BCR: variants seen among roughly 807,000 people sequenced by gnomAD.
The protein encoded by BCR is breakpoint cluster region protein.
A neutral mutation model predicts 138.6 loss-of-function variants in BCR; 58 were observed. That is an observed-to-expected ratio of 0.42 (90% CI 0.34 to 0.52). The LOEUF is 0.52. Among genes scored for constraint, BCR ranks in the 20% least tolerant of loss-of-function variants. The pLI is 0.06. For missense variants in BCR, 1,599 were observed against 1,727.2 expected, an observed-to-expected ratio of 0.93 and a Z score of 1.32; for synonymous variants, 786 against 730.1, an observed-to-expected ratio of 1.08 and a Z score of -1.23.
At chr22:23,266,233 G>A (rs935670666) in intron 4 of BCR, among the ~76,000 whole-genome samples, 6 of 151,792 alleles carry the variant, frequency 4.0e-5, no homozygotes, top group Non-Finnish European at 8.8e-5. Context: ...CTACAGGCAC[G>A]TGCCACCATG....
At chr22:23,288,352 T>C (rs2073741984) in intron 12 of BCR, among the ~76,000 whole-genome samples, 180 bp downstream of exon 12, 1 of 152,082 alleles carries the variant, frequency 6.6e-6, no homozygotes, top group Non-Finnish European at 1.5e-5. Context: ...CCCAGCCCTC[T>C]TGTTCCCCTG....
intron 2 of BCR, 56 bp from the exon 3 acceptor site, chr22:23,260,894 A>G: frequency 6.6e-7 from 1 of 1,516,866 alleles, no homozygotes; most frequent in Non-Finnish European, 9.2e-7. Context: ...GAGGGCCCTG[A>G]TGGAAGAATC....
At chr22:23,185,437 G>A (rs1001873349) in intron 1 of BCR, among the ~76,000 whole-genome samples, 7 of 152,106 alleles carry the variant, frequency 4.6e-5, no homozygotes, top group Non-Finnish European at 8.8e-5. Flanking sequence ...AGTCCAAGGC[G>A]GGTGGATCAC....
chr22:23,242,451 T>A (rs963713211), intron 1 of BCR, among the ~76,000 whole-genome samples: 1 of 152,232 alleles, frequency 6.6e-6, no homozygotes, highest in South Asian at 2.1e-4. Context: ...TAGCCCTTTC[T>A]GAAGCTGCAG....
At chr22:23,284,829 T>G (rs2073692156) in intron 9 of BCR, among the ~76,000 whole-genome samples, 3 of 152,132 alleles carry the variant, frequency 2.0e-5, no homozygotes, top group Non-Finnish European at 2.9e-5. Flanking sequence ...GGGCCTGCGG[T>G]CACATGTTCA....
chr22:23,286,537 T>C lies in BCR; in HGVS notation c.2407-622T>C, dbSNP rs577363011. Among the ~76,000 whole-genome samples, 6 of 152,340 alleles carry C rather than the reference T, an allele frequency of 3.9e-5. No homozygotes were observed. The East Asian group carries it at 1.2e-3, about 29-fold the overall frequency. On this transcript the variant is annotated intron_variant, in intron 10 of 22. Coordinates refer to ENST00000305877, the MANE Select transcript of BCR (RefSeq NM_004327.4). ...AGTGGGAGCCAGTGCTCAGGGCAGC[T>C]GAGCCCTATTGACTGTTACTGTTGC...
intron 17 of BCR, chr22:23,309,836 A>G (rs944143351): frequency 2.7e-6 from 1 of 373,572 alleles, no homozygotes; most frequent in Non-Finnish European, 4.9e-6. Context: ...AAGCAATGAC[A>G]CACCCAAAAA....
At chr22:23,311,947 C>G in intron 19 of BCR, 111 bp downstream of exon 19, 35 of 1,475,956 alleles carry the variant, frequency 2.4e-5, no homozygotes, top group Middle Eastern at 2.5e-4. Flanking sequence ...TGTGTCTTTT[C>G]TTCATTTACT....
intron 12 of BCR, among the ~76,000 whole-genome samples, chr22:23,288,811 C>T (rs773094032): frequency 6.6e-6 from 1 of 152,228 alleles, no homozygotes; most frequent in Non-Finnish European, 1.5e-5. Flanking sequence ...CCTTCGGGTC[C>T]TGCCTGGCAG....
chr22:23,240,639 G>T (rs910353757), intron 1 of BCR, among the ~76,000 whole-genome samples: 1 of 151,216 alleles, frequency 6.6e-6, no homozygotes, highest in Admixed American at 6.6e-5. Flanking sequence ...GTGACAGAGC[G>T]AGACTGTCTC....
At chr22:23,222,375 G>A (rs2072835608) in intron 1 of BCR, among the ~76,000 whole-genome samples, 1 of 152,136 alleles carries the variant, frequency 6.6e-6, no homozygotes, top group Non-Finnish European at 1.5e-5. Context: ...GTGGGAAGGT[G>A]GAACACAGCA....
In BCR at chr22:23,289,545, G is replaced by A; in HGVS notation, c.2631G>A (p.Val877=). 1 of 1,614,206 alleles carries A rather than the reference G, an allele frequency of 6.2e-7. No homozygotes were observed. The highest frequency in any genetic ancestry group is 8.5e-7 in the Non-Finnish European group (1 of 1,180,014). ...TCAGAAGCTTCTCCCTGACATCCGT[G>A]GAGCTGCAGATGCTGACCAACTCGT... ...KCFRSFSLTS[V]ELQMLTNSCV... Residue 877 remains valine (V), a synonymous_variant, in exon 13 of 23, where the codon GTG becomes GTA. Coordinates refer to ENST00000305877, the MANE Select transcript of BCR (RefSeq NM_004327.4).
At chr22:23,222,582 C>T (rs979167031) in intron 1 of BCR, among the ~76,000 whole-genome samples, 1 of 152,022 alleles carries the variant, frequency 6.6e-6, no homozygotes, top group African/African-American at 2.4e-5. Flanking sequence ...TGGCAAAGGG[C>T]GAAGGGTAGA....
chr22:23,182,191 G>T lies in BCR; in HGVS notation c.1231G>T (p.Gly411Trp). The change falls in exon 1 of 23, where the codon GGG (glycine) becomes TGG (tryptophan). Residue 411 changes from glycine (G) to tryptophan (W), a missense_variant. By Grantham distance (184) the Gly-to-Trp change is radical. Transcript: ENST00000305877. The stretch of plus-strand genomic sequence containing the variant: ...CACCATCGTGGGCGTCCGCAAGACC[G>T]GGCAGATCTGGCCCAACGATGGCGA... Reference protein sequence around the residue: ...EATIVGVRKTGQIWPNDGEGA... With the variant: ...EATIVGVRKTWQIWPNDGEGA... 6.3e-7 allele frequency: 1 copy of T among 1,597,272 alleles called. No individual in the cohort carries two copies. The highest frequency in any genetic ancestry group is 8.5e-7 in the Non-Finnish European group (1 of 1,176,442).
At chr22:23,194,417 T>C (rs999592615) in intron 1 of BCR, among the ~76,000 whole-genome samples, 5 of 150,532 alleles carry the variant, frequency 3.3e-5, no homozygotes, top group Non-Finnish European at 5.9e-5. Flanking sequence ...TTTTTTTCTT[T>C]CTTTTTTCTT....
intron 1 of BCR, among the ~76,000 whole-genome samples, chr22:23,201,145 A>T (rs1292509262): frequency 6.6e-6 from 1 of 152,232 alleles, no homozygotes; most frequent in Admixed American, 6.5e-5. Context: ...AAAGTCACAC[A>T]CGTGCGCAGC....
chr22:23,238,760 C>T (rs1377295835), intron 1 of BCR, among the ~76,000 whole-genome samples: 5 of 151,902 alleles, frequency 3.3e-5, no homozygotes, highest in African/African-American at 4.8e-5. Context: ...AGGATTAGGC[C>T]GGGGGTGGGA....
At position 23,181,654 on chromosome 22, in the gene BCR, CG is replaced by C; in HGVS notation, c.698del (p.Gly233AspfsTer19). 1 of 1,608,666 alleles carries C rather than the reference CG, an allele frequency of 6.2e-7. No individual in the cohort carries two copies. The highest frequency in any genetic ancestry group is 8.5e-7 in the Non-Finnish European group (1 of 1,179,866). The part of the protein sequence containing the change: ...SVGDASRPPY[R>X]GRSSESSCGV... ...GGGGGATGCATCCAGGCCCCCTTAC[CG>C]GGGACGCTCCTCGGAGAGCAGCTGC... On this transcript the variant is annotated frameshift_variant, in exon 1 of 23. Transcript: ENST00000305877. LOFTEE classifies it high-confidence loss of function.
At position 23,181,805 on chromosome 22, in the gene BCR, T is replaced by C. The variant is rs779698295; in HGVS notation, c.845T>C (p.Ile282Thr). Residue 282 changes from isoleucine (I) to threonine (T), a missense_variant, in exon 1 of 23, where the codon ATC (isoleucine) becomes ACC (threonine). By Grantham distance (89) the Ile-to-Thr change is moderately conservative. Coordinates refer to ENST00000305877, the MANE Select transcript of BCR (RefSeq NM_004327.4). ...PPLEYQPYQS[I>T]YVGGMMEGEG... ...CTGGAGTACCAGCCCTACCAGAGCA[T>C]CTACGTCGGGGGCATGATGGAAGGG... is the stretch of plus-strand genomic sequence containing the variant. The C allele has an allele frequency of 1.9e-6, 3 of 1,610,104 alleles. No individual in the cohort carries two copies. In the South Asian group the frequency reaches 3.3e-5, roughly 18 times the overall value.
Sources: gnomAD v4.1 joint callset for allele counts (sites outside exome capture counted in the v4.1 genomes callset) on GRCh38, gnomAD v4.1.1 for gene constraint, MANE v1.5 for transcripts, NCBI Gene and HGNC (gene_info 2026-07-23, HGNC 2026-07-21) for gene names.